RIMS2: variants seen among roughly 807,000 people sequenced by gnomAD.
RIMS2 encodes the protein regulating synaptic membrane exocytosis protein 2.
RIMS2 carries 59 observed loss-of-function variants against 174.4 expected under a neutral mutation model. The ratio of observed to expected loss-of-function variants is 0.34; its 90% CI spans 0.27 to 0.42. The LOEUF is 0.42. Among genes scored for constraint, RIMS2 ranks in the 10% least tolerant of loss-of-function variants. RIMS2 has a pLI of 1.00. For missense variants in RIMS2, 1,620 were observed against 1,666.3 expected (o/e 0.97, Z 0.48); for synonymous variants, 606 against 572.5 (o/e 1.06, Z -0.84).
chr8:103,589,147 GA>G (rs909735239), intron 1 of RIMS2, among the ~76,000 whole-genome samples: 3 of 151,568 alleles, frequency 2.0e-5, no homozygotes, highest in African/African-American at 7.2e-5. Flanking sequence ...CTTATATTTG[GA>G]AAAACCTAAA....
At chr8:103,545,325 CA>C (rs377639404) in intron 1 of RIMS2, among the ~76,000 whole-genome samples, 13 of 148,994 alleles carry the variant, frequency 8.7e-5, no homozygotes, top group African/African-American at 2.7e-4. Flanking sequence ...AAATTAAAAA[CA>C]AAAAAAAACA....
At chr8:103,663,506 A>T (rs1200807445) in intron 1 of RIMS2, among the ~76,000 whole-genome samples, 1 of 152,200 alleles carries the variant, frequency 6.6e-6, no homozygotes, top group African/African-American at 2.4e-5. Flanking sequence ...ACAAACAGCC[A>T]AATCATGAGT....
At chr8:103,800,687 C>T (rs1215757157) in intron 3 of RIMS2, among the ~76,000 whole-genome samples, 4 of 152,112 alleles carry the variant, frequency 2.6e-5, no homozygotes, top group African/African-American at 9.7e-5. Flanking sequence ...TCCTCTTGGT[C>T]ATGATGGTAT....
At chr8:104,151,652 T>A (rs1468366011) in intron 19 of RIMS2, among the ~76,000 whole-genome samples, 1 of 152,150 alleles carries the variant, frequency 6.6e-6, no homozygotes, top group Admixed American at 6.5e-5. Context: ...AATTTTGAAT[T>A]TGTGATATAT....
chr8:103,877,228 G>T (rs535267447), intron 3 of RIMS2, among the ~76,000 whole-genome samples: 1 of 151,260 alleles, frequency 6.6e-6, no homozygotes, highest in Non-Finnish European at 1.5e-5. Flanking sequence ...TTGATATTTT[G>T]ATTATGGCCA....
At chr8:103,598,414 C>T (rs1038896286) in intron 1 of RIMS2, among the ~76,000 whole-genome samples, 1 of 152,082 alleles carries the variant, frequency 6.6e-6, no homozygotes, top group African/African-American at 2.4e-5. Flanking sequence ...TGTCAAGATA[C>T]TGAAATAAAT....
chr8:103,947,735 T>A (rs2084165185), intron 14 of RIMS2, among the ~76,000 whole-genome samples: 1 of 152,170 alleles, frequency 6.6e-6, no homozygotes, highest in African/African-American at 2.4e-5. Flanking sequence ...CATTACTGTA[T>A]ACTATAGTAG....
intron 19 of RIMS2, among the ~76,000 whole-genome samples, chr8:104,237,662 T>C (rs567408248): frequency 6.6e-6 from 1 of 152,288 alleles, no homozygotes; most frequent in South Asian, 2.1e-4. Flanking sequence ...GTGACAAAGC[T>C]TTTGGAATGA....
In RIMS2 at chr8:104,219,644, T is replaced by A. The variant is rs78230605; in HGVS notation, c.3335-25272T>A. Among the ~76,000 whole-genome samples, 21 of 152,314 alleles carry A rather than the reference T, an allele frequency of 1.4e-4. No homozygotes were observed. The East Asian group carries it at 2.5e-3, about 18-fold the overall frequency. ...TATGTTTAATAGTGCAGTCTTTTAT[T>A]CAAGGCCGTGTTTTGCTTTTAGATG... is the stretch of plus-strand genomic sequence containing the variant. On this transcript the variant is annotated intron_variant, in intron 19 of 23. Transcript: ENST00000504942.
At chr8:103,991,140 AT>A in intron 17 of RIMS2, among the ~76,000 whole-genome samples, 1 of 151,706 alleles carries the variant, frequency 6.6e-6, no homozygotes, top group Non-Finnish European at 1.5e-5. Context: ...TTATATTTTT[AT>A]TTTTTATTTA....
Position 103,683,114 on chromosome 8 carries a change from C to T in RIMS2, c.177-13972C>T, listed in dbSNP as rs117990953. Among the ~76,000 whole-genome samples, 618 of 152,160 alleles carry T rather than the reference C, an allele frequency of 4.1e-3. 6 individuals carry two copies. The highest frequency in any genetic ancestry group is 0.03 in the South Asian group (146 of 4,820). On this transcript the variant is annotated intron_variant, in intron 1 of 23. Transcript: ENST00000504942. ...TCCAGTGTTCCTTGGTATCTTAGTCCATTTTGTGTTATTTTAATGGAATAG... is the reference window on the plus strand; with the variant it reads ...TCCAGTGTTCCTTGGTATCTTAGTCTATTTTGTGTTATTTTAATGGAATAG...
At chr8:104,218,444 A>G (rs1244194643) in intron 19 of RIMS2, among the ~76,000 whole-genome samples, 1 of 152,226 alleles carries the variant, frequency 6.6e-6, no homozygotes, top group African/African-American at 2.4e-5. Flanking sequence ...TGTCGAAGAC[A>G]GTTCTTCCAC....
At chr8:103,815,186 T>A (rs1686785083) in intron 3 of RIMS2, among the ~76,000 whole-genome samples, 1 of 152,196 alleles carries the variant, frequency 6.6e-6, no homozygotes, top group African/African-American at 2.4e-5. Flanking sequence ...TTTAAAAACC[T>A]GAGATATACT....
chr8:104,162,600 C>T (rs1313120933), intron 19 of RIMS2, among the ~76,000 whole-genome samples: 1 of 151,918 alleles, frequency 6.6e-6, no homozygotes, highest in South Asian at 2.1e-4. Flanking sequence ...TAGCTTTTTT[C>T]ATATTATTAG....
At chr8:104,131,934 C>G (rs556333984) in intron 19 of RIMS2, among the ~76,000 whole-genome samples, 24 of 152,090 alleles carry the variant, frequency 1.6e-4, no homozygotes, top group African/African-American at 3.4e-4. Flanking sequence ...ATAATGGGAA[C>G]TAATTGCCAT....
chr8:103,552,488 T>G (rs888093598), intron 1 of RIMS2, among the ~76,000 whole-genome samples: 14 of 152,082 alleles, frequency 9.2e-5, no homozygotes, highest in Non-Finnish European at 2.1e-4. Context: ...CCTAAAACCA[T>G]AAAAACGCTA....
At chr8:104,125,679 C>T (rs1198317357) in intron 19 of RIMS2, among the ~76,000 whole-genome samples, 1 of 151,914 alleles carries the variant, frequency 6.6e-6, no homozygotes. Flanking sequence ...CCAACTTATA[C>T]CATGATATTG....
Position 103,899,934 on chromosome 8 carries a change from C to T in RIMS2, c.1625-10200C>T, listed in dbSNP as rs564105963. Reference sequence around the variant, plus strand: ...AAGGGATCCAGTTTCAGCTTTCTACCTATGGCTAGCAAGTTTTCCCAGCAC... The same window carrying T: ...AAGGGATCCAGTTTCAGCTTTCTACTTATGGCTAGCAAGTTTTCCCAGCAC... On this transcript the variant is annotated intron_variant, in intron 4 of 23. Transcript: ENST00000504942. Among the ~76,000 whole-genome samples, 152 of 151,418 alleles carry T rather than the reference C, an allele frequency of 1.0e-3. 3 individuals carry two copies. The highest frequency in any genetic ancestry group is 1.0e-4 in the Non-Finnish European group (7 of 67,926).
At chr8:104,245,179 T>A in intron 20 of RIMS2, 122 bp downstream of exon 26, 1 of 967,236 alleles carries the variant, frequency 1.0e-6, no homozygotes, top group Non-Finnish European at 1.5e-6. Flanking sequence ...CACTGGCTGA[T>A]TTCCTGTGAA....
Sources: gnomAD v4.1 joint callset for allele counts (sites outside exome capture counted in the v4.1 genomes callset) on GRCh38, gnomAD v4.1.1 for gene constraint, MANE v1.5 for transcripts, NCBI Gene and HGNC (gene_info 2026-07-23, HGNC 2026-07-21) for gene names.